The following TEX9 variants were observed in gnomAD, a reference collection of about 807,000 sequenced individuals.
TEX9 encodes testis expressed 9, also known as testis-expressed protein 9.
Under a neutral mutation model 59.6 loss-of-function variants are expected in TEX9, and 74 were observed. The observed-to-expected ratio is 1.24, with a 90% CI of 1.03 to 1.51. The LOEUF (loss-of-function observed/expected upper bound fraction) is 1.51, where lower values mean the gene tolerates loss of function less well. Among genes scored for constraint, TEX9 ranks in the 40% most tolerant of loss-of-function variants. The pLI, the probability that TEX9 is intolerant of heterozygous loss-of-function variation, is 0.00. For missense variants in TEX9, 522 were observed against 447.8 expected (o/e 1.17, Z -1.49); for synonymous variants, 186 against 152.2 (o/e 1.22, Z -1.64).
chr15:56,448,586 G>C (rs1360651475), downstream of TEX9, among the ~76,000 whole-genome samples: 2 of 152,106 alleles, frequency 1.3e-5, no homozygotes, highest in Non-Finnish European at 2.9e-5. Flanking sequence ...TATGTCTGTA[G>C]AGTATTCCGT....
intron 12 of TEX9, among the ~76,000 whole-genome samples, chr15:56,436,117 C>T (rs888308749): frequency 6.6e-6 from 1 of 152,152 alleles, no homozygotes; most frequent in African/African-American, 2.4e-5. Flanking sequence ...TAATAGACAT[C>T]TACAGAACTC....
At chr15:56,459,198 T>C in the TEX9 span, among the ~76,000 whole-genome samples, 3 of 152,252 alleles carry the variant, frequency 2.0e-5, no homozygotes, top group Admixed American at 1.3e-4. Flanking sequence ...TTCATATAAA[T>C]GAATTCACAC....
intron 4 of TEX9, among the ~76,000 whole-genome samples, chr15:56,386,214 TGCTCTGGAAAAGGCAGA>T (rs1482454591): frequency 6.6e-6 from 1 of 152,030 alleles, no homozygotes; most frequent in African/African-American, 2.4e-5. Context: ...ACTTATTTGA[TGCTCTGGAAAAGGCAGA>T]GCTTTAGGGA....
At chr15:56,273,191 G>C (rs544482365) in intron 1 of TEX9, among the ~76,000 whole-genome samples, 3 of 152,126 alleles carry the variant, frequency 2.0e-5, no homozygotes, top group African/African-American at 7.2e-5. Context: ...CTGACCTTGT[G>C]ATCTGCCTGC....
At chr15:56,359,136 G>A (rs572862670) in intron 1 of TEX9, among the ~76,000 whole-genome samples, 5 of 152,060 alleles carry the variant, frequency 3.3e-5, no homozygotes, top group Non-Finnish European at 7.4e-5. Flanking sequence ...GGTTGACCTT[G>A]ACAATTTTGA....
chr15:56,343,000 A>T (rs2046402806), intron 1 of TEX9, among the ~76,000 whole-genome samples: 8 of 152,186 alleles, frequency 5.3e-5, no homozygotes, highest in Admixed American at 5.2e-4. Context: ...GATGCTGTAT[A>T]ATGCTCCAAC....
At chr15:56,248,623 C>T (rs996780691) in intron 1 of TEX9, among the ~76,000 whole-genome samples, 3 of 152,186 alleles carry the variant, frequency 2.0e-5, no homozygotes, top group African/African-American at 7.2e-5. Flanking sequence ...TATGTTGTAA[C>T]TTTCAATTCT....
chr15:56,378,038 T>C (rs1406100147), intron 3 of TEX9, among the ~76,000 whole-genome samples: 1 of 152,218 alleles, frequency 6.6e-6, no homozygotes, highest in Non-Finnish European at 1.5e-5. Context: ...TTTGTGTATG[T>C]TGAACCATCC....
At chr15:56,320,443 A>G (rs1251494248) in intron 1 of TEX9, among the ~76,000 whole-genome samples, 7 of 152,112 alleles carry the variant, frequency 4.6e-5, no homozygotes, top group African/African-American at 1.7e-4. Context: ...CCTTTTTACT[A>G]TGTCCTTACA....
chr15:56,262,648 A>G (rs2044293056), intron 1 of TEX9, among the ~76,000 whole-genome samples: 2 of 152,228 alleles, frequency 1.3e-5, no homozygotes. Context: ...CAAATATTCT[A>G]TATAATTTCT....
At chr15:56,374,845 C>T (rs1263324242) in intron 3 of TEX9, among the ~76,000 whole-genome samples, 1 of 152,150 alleles carries the variant, frequency 6.6e-6, no homozygotes, top group African/African-American at 2.4e-5. Context: ...CAATGACTTC[C>T]AGTTACATCC....
upstream of TEX9, among the ~76,000 whole-genome samples, chr15:56,361,785 T>C (rs1198887181): frequency 2.0e-5 from 3 of 152,148 alleles, no homozygotes; most frequent in African/African-American, 4.8e-5. Flanking sequence ...TACATGATTA[T>C]AGAGGCAGAG....
At chr15:56,300,281 G>A (rs757613374) in intron 1 of TEX9, among the ~76,000 whole-genome samples, 5 of 151,558 alleles carry the variant, frequency 3.3e-5, no homozygotes, top group Non-Finnish European at 4.4e-5. Context: ...CCTTCTACTT[G>A]AGGGAAGGAG....
intron 8 of TEX9, 49 bp downstream of exon 8, chr15:56,394,296 A>G (rs1281591739): frequency 7.6e-6 from 11 of 1,439,448 alleles, no homozygotes; most frequent in Non-Finnish European, 1.0e-5. Flanking sequence ...AAGATATTTT[A>G]GGAGCAATTT....
chr15:56,448,915 G>C (rs1345064970), downstream of TEX9, among the ~76,000 whole-genome samples: 1 of 151,752 alleles, frequency 6.6e-6, no homozygotes, highest in Non-Finnish European at 1.5e-5. Context: ...CACCATGCCC[G>C]GTTAATTTTT....
upstream of TEX9, among the ~76,000 whole-genome samples, chr15:56,364,341 C>T (rs1020304631): frequency 1.9e-4 from 29 of 151,062 alleles, no homozygotes; most frequent in African/African-American, 7.0e-4. Flanking sequence ...TTAGGAGTGG[C>T]GGGGTTTCTC....
chr15:56,449,624 T>G (rs2050934468), downstream of TEX9, among the ~76,000 whole-genome samples: 2 of 152,230 alleles, frequency 1.3e-5, no homozygotes, highest in South Asian at 4.1e-4. Context: ...TTTTTCTGTT[T>G]TACAGAACTA....
intron 1 of TEX9, among the ~76,000 whole-genome samples, chr15:56,321,341 G>A (rs555475114): frequency 6.6e-6 from 1 of 152,194 alleles, no homozygotes; most frequent in Non-Finnish European, 1.5e-5. Context: ...TCCTGAGTGA[G>A]GGAGCAGACT....
chr15:56,434,017 A>G (rs999471007), intron 12 of TEX9: 5 of 1,066,034 alleles, frequency 4.7e-6, no homozygotes, highest in Non-Finnish European at 6.6e-6. Flanking sequence ...TTATATATAT[A>G]TTAGTAAACA....
Sources: gnomAD v4.1 joint callset for allele counts (sites outside exome capture counted in the v4.1 genomes callset) on GRCh38, gnomAD v4.1.1 for gene constraint, MANE v1.5 for transcripts, NCBI Gene and HGNC (gene_info 2026-07-23, HGNC 2026-07-21) for gene names.